The following KDM5A variants were observed in gnomAD, a reference collection of about 807,000 sequenced individuals.
The protein encoded by KDM5A is lysine demethylase 5A.
A neutral mutation model predicts 193.5 loss-of-function variants in KDM5A; 42 were observed. That is an observed-to-expected ratio of 0.22 (90% CI 0.17 to 0.28). The LOEUF is 0.28. Ranked by LOEUF, KDM5A falls within the 10% of genes least tolerant of loss-of-function variation. KDM5A has a pLI of 1.00. For synonymous variants in KDM5A, 796 were observed against 718.1 expected (o/e 1.11, Z -1.73); for missense variants, 1,692 against 2,055.1 (o/e 0.82, Z 3.42).
At chr12:353,920 C>CAAA (rs35599427) in intron 8 of KDM5A, among the ~76,000 whole-genome samples, 156 bp downstream of exon 8, 15 of 120,674 alleles carry the variant, frequency 1.2e-4, no homozygotes, top group Admixed American at 1.7e-4. Context: ...GACACCATCT[C>CAAA]AAAAAAAAAA....
intron 3 of KDM5A, among the ~76,000 whole-genome samples, chr12:378,850 G>A (rs571629023): frequency 2.0e-5 from 3 of 151,778 alleles, no homozygotes; most frequent in African/African-American, 2.4e-5. Context: ...TCCCAGCTAC[G>A]CGGGAGGCTG....
chr12:316,461 T>G (rs1244973594), intron 19 of KDM5A, among the ~76,000 whole-genome samples: 1 of 152,160 alleles, frequency 6.6e-6, no homozygotes, highest in Non-Finnish European at 1.5e-5. Flanking sequence ...ACTAGGTCAG[T>G]GACAATGAAT....
intron 25 of KDM5A, among the ~76,000 whole-genome samples, chr12:296,098 C>T (rs1943368177): frequency 6.6e-6 from 1 of 152,028 alleles, no homozygotes; most frequent in African/African-American, 2.4e-5. Flanking sequence ...GCGGGTGGAT[C>T]ACCTGAGGTC....
Position 307,319 on chromosome 12 carries a change from T to C in KDM5A, c.3930+135A>G, listed in dbSNP as rs1943519660. 1 of 1,066,906 alleles carries C rather than the reference T, an allele frequency of 9.4e-7. No individual in the cohort carries two copies. Among genetic ancestry groups the C allele is most frequent in the East Asian group, 2.5e-5 (1 of 39,700 alleles). 66.1% of individuals were successfully genotyped at this position (1,066,906 alleles called of 1,614,324 possible). ...CCAAAAAAAGTGCTATAGTGTATGTTGAAGGAGAATGCAATGGATAATTGC... is the reference window on the plus strand; with the variant it reads ...CCAAAAAAAGTGCTATAGTGTATGTCGAAGGAGAATGCAATGGATAATTGC... On this transcript the variant is annotated intron_variant, in intron 23 of 27. Coordinates refer to ENST00000399788, the MANE Select transcript of KDM5A (RefSeq NM_001042603.3). This position sits in a 1 kb window ranked among gnomAD's most constrained non-coding sequence, Gnocchi z 4.3.
In KDM5A at chr12:309,800, T is replaced by A; in HGVS notation, c.3378+3A>T. The A allele has an allele frequency of 6.2e-7, 1 of 1,614,136 alleles. No individual in the cohort carries two copies. The highest frequency in any genetic ancestry group is 8.5e-7 in the Non-Finnish European group (1 of 1,179,968). ...AAACTCAAGATGCTAGGTAATTTCT[T>A]ACCACCATGGCTGTATCTCTGGTTT... is the stretch of plus-strand genomic sequence containing the variant. On this transcript the variant is annotated splice_donor_region_variant and intron_variant, in intron 22 of 27. Transcript: ENST00000399788.
intron 22 of KDM5A, among the ~76,000 whole-genome samples, chr12:309,069 T>G (rs2137391539): frequency 6.6e-6 from 1 of 152,320 alleles, no homozygotes; most frequent in African/African-American, 2.4e-5. Context: ...CTAGGAAATT[T>G]AAAAGAAGGA....
intron 3 of KDM5A, among the ~76,000 whole-genome samples, chr12:370,872 T>C (rs1944419495): frequency 6.6e-6 from 1 of 152,224 alleles, no homozygotes; most frequent in Non-Finnish European, 1.5e-5. Context: ...GGTGTTTGGT[T>C]TTCTGTTCTT....
In KDM5A at chr12:307,044, TCAC is replaced by T; in HGVS notation, c.3973_3975del (p.Val1325del). The T allele has an allele frequency of 6.2e-7, 1 of 1,614,180 alleles. No individual in the cohort carries two copies. The highest frequency in any genetic ancestry group is 8.5e-7 in the Non-Finnish European group (1 of 1,180,010). ...TGTCGAGGAGAAGATGACACACTGCTCACCACCCGGTTAAAAGCAGACTGCTGG... is the reference window on the plus strand; with the variant it reads ...TGTCGAGGAGAAGATGACACACTGCTCACCCGGTTAAAAGCAGACTGCTGG... On this transcript the variant is annotated inframe_deletion, in exon 24 of 28. Coordinates refer to ENST00000399788, the MANE Select transcript of KDM5A (RefSeq NM_001042603.3). This position sits in a 1 kb window ranked among gnomAD's most constrained non-coding sequence, Gnocchi z 4.3.
chr12:363,260 T>C (rs2137467272), intron 4 of KDM5A, among the ~76,000 whole-genome samples, 163 bp from the exon 5 acceptor site: 1 of 152,318 alleles, frequency 6.6e-6, no homozygotes, highest in East Asian at 1.9e-4. Flanking sequence ...GCAGGCTTTT[T>C]GTTGTTGTTA....
rs574206698 is a variant in KDM5A, at chr12:326,793, G to C, written c.1968+2042C>G. Among the ~76,000 whole-genome samples the C allele has an allele frequency of 2.3e-4, 34 of 148,742 alleles. No individual in the cohort carries two copies. In the Middle Eastern group the frequency reaches 0.011, roughly 49 times the overall value. ...GGTAGGAGAATGGCGTGGACCCGCA[G>C]GGCGGAGCTTGCAGTGAGCCAAGAT... On this transcript the variant is annotated intron_variant, in intron 14 of 27. Transcript: ENST00000399788.
intron 22 of KDM5A, among the ~76,000 whole-genome samples, chr12:308,523 G>A (rs1021148170): frequency 2.0e-5 from 3 of 152,094 alleles, no homozygotes; most frequent in African/African-American, 7.2e-5. Context: ...CTTCTCTCTG[G>A]AAAGCCTCTT....
intron 5 of KDM5A, 90 bp downstream of exon 5, chr12:362,873 A>G: frequency 1.7e-6 from 2 of 1,206,564 alleles, no homozygotes; most frequent in Non-Finnish European, 2.5e-6. Context: ...CAAGAGGATC[A>G]CTTGAGCCAA....
intron 10 of KDM5A, among the ~76,000 whole-genome samples, chr12:337,880 T>C (rs1177780377): frequency 6.6e-6 from 1 of 152,160 alleles, no homozygotes. Context: ...TGACCTCAAG[T>C]GATCTGCCCG....
In KDM5A at chr12:282,594, G is replaced by C. The variant is rs1591891289; in HGVS notation, c.*2862C>G. The C allele has an allele frequency of 4.3e-6, 1 of 233,030 alleles. No individual in the cohort carries two copies. Among genetic ancestry groups the C allele is most frequent in the East Asian group, 6.0e-5 (1 of 16,574 alleles). The allele number at this position is 233,030 out of a possible 1,614,324, so 14.4% of individuals were successfully genotyped here. A position where few individuals can be genotyped will look rare whatever the true frequency, so the allele number is the denominator to read the frequency against. ...GCTGTATTTGTACTTTTAAACTTGG[G>C]GATCTGCATAGTTCTAATGACTTAG... On this transcript the variant is annotated 3_prime_UTR_variant, in exon 28 of 28. Transcript: ENST00000399788.
chr12:357,285 A>G (rs1944239143), intron 5 of KDM5A, among the ~76,000 whole-genome samples: 1 of 151,634 alleles, frequency 6.6e-6, no homozygotes, highest in Admixed American at 6.6e-5. Flanking sequence ...GAATCAATCC[A>G]TCAATGGGAA....
chr12:377,895 A>G (rs1384060187), intron 3 of KDM5A, among the ~76,000 whole-genome samples: 1 of 152,214 alleles, frequency 6.6e-6, no homozygotes, highest in Non-Finnish European at 1.5e-5. Flanking sequence ...TGGCTCCAAG[A>G]AAATAAAGCT....
chr12:373,418 G>A (rs1452108956), intron 3 of KDM5A, among the ~76,000 whole-genome samples: 1 of 152,138 alleles, frequency 6.6e-6, no homozygotes, highest in African/African-American at 2.4e-5. Context: ...GTATTTCTGT[G>A]GGATTGGTGG....
At position 281,859 on chromosome 12, in the gene KDM5A, C is replaced by T. The variant is rs1173946174; in HGVS notation, c.*3597G>A. The T allele has an allele frequency of 3.3e-5, 9 of 273,974 alleles. No individual in the cohort carries two copies. Among genetic ancestry groups the T allele is most frequent in the East Asian group, 5.8e-5 (1 of 17,294 alleles). The allele number at this position is 273,974 out of a possible 1,614,324, so 17.0% of individuals were successfully genotyped here. On this transcript the variant is annotated 3_prime_UTR_variant, in exon 28 of 28. Coordinates refer to ENST00000399788, the MANE Select transcript of KDM5A (RefSeq NM_001042603.3). The stretch of plus-strand genomic sequence containing the variant: ...TACTGACAAGCAAGTAGTTTCTTGG[C>T]GTGCACGAATTGCATCCAGAACCCA...
chr12:387,417 A>T, intron 1 of KDM5A: 1 of 207,510 alleles, frequency 4.8e-6, no homozygotes, highest in Admixed American at 6.2e-5. Context: ...AATAAATTCA[A>T]GAGTAGATAA....
Sources: allele counts gnomAD v4.1 joint callset (sites outside exome capture counted in the v4.1 genomes callset), GRCh38; gene constraint gnomAD v4.1.1; non-coding constraint Gnocchi (gnomAD v3.1); transcripts MANE v1.5; gene names NCBI Gene and HGNC (gene_info 2026-07-23, HGNC 2026-07-21).